ANGEL1: variants seen among roughly 807,000 people sequenced by gnomAD.
ANGEL1 encodes the protein RNA 2',3'-cyclic phosphatase ANGEL1.
A neutral mutation model predicts 76.4 loss-of-function variants in ANGEL1; 62 were observed. The ratio of observed to expected loss-of-function variants is 0.81; its 90% CI spans 0.66 to 1.00. ANGEL1 has a LOEUF of 1.00. Among genes scored for constraint, ANGEL1 ranks in the 50% least tolerant of loss-of-function variants. The pLI, the probability that ANGEL1 is intolerant of heterozygous loss-of-function variation, is 0.00. For synonymous variants in ANGEL1, 340 were observed against 331.7 expected, an observed-to-expected ratio of 1.03 and a Z score of -0.27; for missense variants, 737 against 836.7, an observed-to-expected ratio of 0.88 and a Z score of 1.47.
intron 7 of ANGEL1, among the ~76,000 whole-genome samples, chr14:76,802,170 C>CA (rs907993482): frequency 1.4e-4 from 21 of 147,698 alleles, no homozygotes; most frequent in Admixed American, 2.7e-4. Context: ...GACTCTATCT[C>CA]AAAAAAAAAT....
chr14:76,806,019 G>C (rs1302379563), intron 5 of ANGEL1, among the ~76,000 whole-genome samples: 1 of 152,184 alleles, frequency 6.6e-6, no homozygotes, highest in Non-Finnish European at 1.5e-5. Flanking sequence ...TAGGAACATA[G>C]ATATCACTGT....
rs748353005 is a variant in ANGEL1, at chr14:76,803,938, T to C, written c.1381-26A>G. Reference sequence around the variant, plus strand: ...CTGGGTGGAAAAAGAAGGGTGGGAATAAGGAAACCAAGATAGAAAAAGGAA... The same window carrying C: ...CTGGGTGGAAAAAGAAGGGTGGGAACAAGGAAACCAAGATAGAAAAAGGAA... On this transcript the variant is annotated intron_variant, in intron 5 of 9. Coordinates refer to ENST00000251089, the MANE Select transcript of ANGEL1 (RefSeq NM_015305.4). 5 of 1,614,072 alleles carry C rather than the reference T, an allele frequency of 3.1e-6. No homozygotes were observed. The East Asian group carries it at 1.1e-4, about 36-fold the overall frequency.
chr14:76,792,546 A>G (rs553877020), intron 7 of ANGEL1, among the ~76,000 whole-genome samples: 191 of 152,298 alleles, frequency 1.3e-3, no homozygotes, highest in African/African-American at 4.5e-3. Context: ...CTATGACCAA[A>G]TAAGATTTAT....
intron 1 of ANGEL1, chr14:76,812,201 A>G: frequency 1.0e-6 from 1 of 979,750 alleles, no homozygotes. Flanking sequence ...AATGCTCCAA[A>G]GCTGAGATCT....
At chr14:76,803,192 T>C (rs1456577742) in intron 7 of ANGEL1, among the ~76,000 whole-genome samples, 179 bp downstream of exon 7, 1 of 152,232 alleles carries the variant, frequency 6.6e-6, no homozygotes, top group Non-Finnish European at 1.5e-5. Context: ...GGCACTCTTA[T>C]CACACTGCAC....
chr14:76,793,486 A>G (rs1011151924), intron 7 of ANGEL1, among the ~76,000 whole-genome samples: 17 of 146,216 alleles, frequency 1.2e-4, no homozygotes, highest in Admixed American at 9.6e-4. Context: ...AGGAGGAGAA[A>G]AAGGAGGAGG....
chr14:76,812,584 C>A (rs1895120546), intron 1 of ANGEL1, 180 bp downstream of exon 1: 2 of 1,272,456 alleles, frequency 1.6e-6, no homozygotes, highest in African/African-American at 1.6e-5. Flanking sequence ...CAGGTCCAGG[C>A]CTCGTGGGGT....
intron 7 of ANGEL1, among the ~76,000 whole-genome samples, chr14:76,791,741 A>G (rs1326841116): frequency 6.6e-6 from 1 of 152,164 alleles, no homozygotes; most frequent in African/African-American, 2.4e-5. Context: ...GAAGCCACCA[A>G]TGTTACCAAA....
Position 76,788,875 on chromosome 14 carries a change from C to T in ANGEL1, c.*353G>A, listed in dbSNP as rs557332327. 15 of 221,748 alleles carry T rather than the reference C, an allele frequency of 6.8e-5. No individual in the cohort carries two copies. The highest frequency in any genetic ancestry group is 1.8e-4 in the African/African-American group (8 of 43,516). The allele number at this position is 221,748 out of a possible 1,614,324, so 13.7% of individuals were successfully genotyped here. On this transcript the variant is annotated 3_prime_UTR_variant, in exon 10 of 10. Transcript: ENST00000251089. ...TCAGGTCAGAAGGTACATCAAGAAA[C>T]GGCCTGAAAGCAAATAACCAATGAA...
chr14:76,804,146 T>G, intron 5 of ANGEL1: 1 of 1,434,818 alleles, frequency 7.0e-7, no homozygotes, highest in Non-Finnish European at 9.1e-7. Context: ...GGTAAGAGAC[T>G]GAATCAAGGG....
Position 76,809,555 on chromosome 14 carries a change from GC to G in ANGEL1, c.152del (p.Gly51AlafsTer19), listed in dbSNP as rs1371843362. 2 of 1,614,202 alleles carry G rather than the reference GC, an allele frequency of 1.2e-6. No homozygotes were observed. Among genetic ancestry groups the G allele is most frequent in the Non-Finnish European group, 1.7e-6 (2 of 1,180,046 alleles). ...GGCCCTCACATTCCTCCTGCTCAGG[GC>G]CCCGAGGGGCCATGGCAAAGTCGCC... ...VEGDFAMAPR[G>X]PEQEECEGLL... On this transcript the variant is annotated frameshift_variant, in exon 2 of 10. Transcript: ENST00000251089. LOFTEE classifies it high-confidence loss of function.
intron 7 of ANGEL1, among the ~76,000 whole-genome samples, chr14:76,797,977 A>G (rs10135075): frequency 0.02 from 3,031 of 152,272 alleles, 108 homozygotes; most frequent in African/African-American, 0.069. Context: ...GGAGGTGATT[A>G]GGTCACAAGT....
intron 1 of ANGEL1, among the ~76,000 whole-genome samples, chr14:76,810,485 T>G (rs72737532): frequency 0.042 from 6,313 of 152,084 alleles, 192 homozygotes; most frequent in Non-Finnish European, 0.062. Flanking sequence ...AAGTTTGAAC[T>G]AGATAATCTC....
chr14:76,809,327 GA>G lies in ANGEL1; in HGVS notation c.380del (p.Phe127SerfsTer5). 6.2e-7 allele frequency: 1 copy of G among 1,614,238 alleles called. No homozygotes were observed. The highest frequency in any genetic ancestry group is 1.1e-5 in the South Asian group (1 of 91,088). The stretch of plus-strand genomic sequence containing the variant: ...GTGGCTCCTCTCCTAGCATCTCAGG[GA>G]AAGGCTCATCCAGGTTCTCTGCAGC... ...LRAAENLDEP[F>X]PEMLGEEPLL... is the part of the protein sequence containing the mutation. On this transcript the variant is annotated frameshift_variant, in exon 2 of 10. Coordinates refer to ENST00000251089, the MANE Select transcript of ANGEL1 (RefSeq NM_015305.4). LOFTEE classifies it high-confidence loss of function.
chr14:76,808,223 C>T, intron 2 of ANGEL1, 75 bp from the exon 3 acceptor site: 1 of 1,283,868 alleles, frequency 7.8e-7, no homozygotes, highest in Non-Finnish European at 1.1e-6. Context: ...ACTCCTGACT[C>T]AGTAATATTA....
intron 9 of ANGEL1, 82 bp downstream of exon 9, chr14:76,790,529 G>C: frequency 2.0e-6 from 3 of 1,531,404 alleles, no homozygotes; most frequent in Non-Finnish European, 2.6e-6. Context: ...AGCAGCTGAA[G>C]ACATGCTACC....
intron 7 of ANGEL1, among the ~76,000 whole-genome samples, chr14:76,797,771 G>A (rs760982394): frequency 1.3e-5 from 2 of 152,228 alleles, no homozygotes; most frequent in African/African-American, 2.4e-5. Flanking sequence ...TCTGTAATGT[G>A]CTAAATTGTG....
Position 76,808,039 on chromosome 14 carries a change from C to T in ANGEL1, c.759G>A (p.Leu253=). The T allele has an allele frequency of 1.2e-6, 2 of 1,614,220 alleles. No individual in the cohort carries two copies. Among genetic ancestry groups the T allele is most frequent in the Non-Finnish European group, 1.7e-6 (2 of 1,180,050 alleles). The change falls in exon 3 of 10, where the codon CTG becomes CTA. Residue 253 remains leucine (L), a synonymous_variant. Transcript: ENST00000251089. ...AGCTCTGCTGCATCAGGTCCTGAGC[C>T]AGGATGTTATAAGACATCAGAGTGA... ...FQFTLMSYNI[L]AQDLMQQSSE...
intron 7 of ANGEL1, among the ~76,000 whole-genome samples, chr14:76,802,015 A>C (rs1047817625): frequency 5.3e-5 from 8 of 151,900 alleles, no homozygotes; most frequent in African/African-American, 1.7e-4. Context: ...AAAAAGAAAA[A>C]AAAAAAATTA....
Sources: gnomAD v4.1 joint callset for allele counts (sites outside exome capture counted in the v4.1 genomes callset) on GRCh38, gnomAD v4.1.1 for gene constraint, MANE v1.5 for transcripts, NCBI Gene and HGNC (gene_info 2026-07-23, HGNC 2026-07-21) for gene names.